CEP70: variants seen among roughly 807,000 people sequenced by gnomAD.
CEP70 encodes the protein centrosomal protein of 70 kDa.
CEP70 carries 70 observed loss-of-function variants against 90.9 expected under a neutral mutation model. That is an observed-to-expected ratio of 0.77 (90% CI 0.64 to 0.94). The LOEUF is 0.94. Among genes scored for constraint, CEP70 ranks in the 40% least tolerant of loss-of-function variants. The pLI is 0.00. For synonymous variants in CEP70, 220 were observed against 228.3 expected, an observed-to-expected ratio of 0.96 and a Z score of 0.33; for missense variants, 648 against 669.0, an observed-to-expected ratio of 0.97 and a Z score of 0.35.
intron 11 of CEP70, among the ~76,000 whole-genome samples, chr3:138,516,528 G>T (rs2036043702): frequency 6.6e-6 from 1 of 152,170 alleles, no homozygotes; most frequent in East Asian, 1.9e-4. Context: ...TGGGGCTACA[G>T]GTAAGTACCG....
intron 10 of CEP70, among the ~76,000 whole-genome samples, chr3:138,526,945 A>C (rs759036653): frequency 1.3e-5 from 2 of 152,222 alleles, no homozygotes; most frequent in African/African-American, 4.8e-5. Context: ...ATACAGCTGT[A>C]ATTTGTCAAT....
At chr3:138,551,756 A>AC (rs2039636298) in intron 6 of CEP70, among the ~76,000 whole-genome samples, 1 of 137,454 alleles carries the variant, frequency 7.3e-6, no homozygotes, top group African/African-American at 2.9e-5. Context: ...AAAAAAAAAA[A>AC]AATAAAATAA....
At chr3:138,563,024 G>T (rs536016503) in intron 6 of CEP70, among the ~76,000 whole-genome samples, 2 of 149,818 alleles carry the variant, frequency 1.3e-5, no homozygotes, top group Non-Finnish European at 3.0e-5. Flanking sequence ...CAAGTAAATG[G>T]AAAGCAAAAA....
chr3:138,590,823 TAA>T (rs149845657), intron 2 of CEP70, among the ~76,000 whole-genome samples: 1 of 142,648 alleles, frequency 7.0e-6, no homozygotes, highest in Non-Finnish European at 1.5e-5. Context: ...AAATAAATAA[TAA>T]AAAAAAAACA....
At position 138,553,207 on chromosome 3, in the gene CEP70, C is replaced by T. The variant is rs182925104; in HGVS notation, c.466-15860G>A. Among the ~76,000 whole-genome samples, 530 of 152,006 alleles carry T rather than the reference C, an allele frequency of 3.5e-3. 3 individuals are homozygous for T. Among genetic ancestry groups the T allele is most frequent in the Admixed American group, 6.8e-3 (104 of 15,268 alleles). ...CAAAAAAAAAAATACCGGCTGGGCACGATGGCTCACGCCTGTAATCCTAGC... is the reference window on the plus strand; with the variant it reads ...CAAAAAAAAAAATACCGGCTGGGCATGATGGCTCACGCCTGTAATCCTAGC... On this transcript the variant is annotated intron_variant, in intron 6 of 17. Coordinates refer to ENST00000264982, the MANE Select transcript of CEP70 (RefSeq NM_024491.4).
At chr3:138,590,274 G>T (rs1323000433) in intron 2 of CEP70, among the ~76,000 whole-genome samples, 1 of 152,010 alleles carries the variant, frequency 6.6e-6, no homozygotes, top group Non-Finnish European at 1.5e-5. Flanking sequence ...TTCTCAGTAT[G>T]GAAAAAAGGA....
intron 6 of CEP70, among the ~76,000 whole-genome samples, chr3:138,545,898 C>T (rs2039156796): frequency 1.3e-5 from 2 of 152,134 alleles, no homozygotes; most frequent in African/African-American, 4.8e-5. Flanking sequence ...ACCCTGTTTT[C>T]TGTTGTTTAA....
At chr3:138,502,640 A>T (rs1283645914) in intron 13 of CEP70, among the ~76,000 whole-genome samples, 1 of 152,192 alleles carries the variant, frequency 6.6e-6, no homozygotes, top group Non-Finnish European at 1.5e-5. Context: ...TAAAAAGCAT[A>T]CCCAATCTAA....
Position 138,551,763 on chromosome 3 carries a change from AT to A in CEP70, c.466-14417del, listed in dbSNP as rs777904336. ...CTCCATCTAAAAAAAAAAAAATAAA[AT>A]AAAACAAAACCCAAAGTATACAGGC... is the stretch of plus-strand genomic sequence containing the variant. On this transcript the variant is annotated intron_variant, in intron 6 of 17. Transcript: ENST00000264982. 5.8e-3 allele frequency among the ~76,000 whole-genome samples: 819 copies of A among 141,294 alleles called. 7 individuals are homozygous for A. The highest frequency in any genetic ancestry group is 0.02 in the African/African-American group (751 of 36,884). 92.7% of individuals were successfully genotyped at this position (141,294 alleles called of 152,430 possible).
chr3:138,584,992 G>A (rs2042042084), intron 2 of CEP70, among the ~76,000 whole-genome samples: 1 of 152,058 alleles, frequency 6.6e-6, no homozygotes, highest in Non-Finnish European at 1.5e-5. Flanking sequence ...TGGAATTGCT[G>A]TAGTTAGGAC....
Position 138,556,843 on chromosome 3 carries a change from C to T in CEP70, c.465+13475G>A, listed in dbSNP as rs571228659. Among the ~76,000 whole-genome samples, 195 of 152,198 alleles carry T rather than the reference C, an allele frequency of 1.3e-3. 1 individual carries two copies. The highest frequency in any genetic ancestry group is 4.0e-3 in the African/African-American group (164 of 41,498). Reference sequence around the variant, plus strand: ...TATCACAAGGCAAATGGAGGCAGGGCGAGATCACAGGACCACAGACCGGGG... The same window carrying T: ...TATCACAAGGCAAATGGAGGCAGGGTGAGATCACAGGACCACAGACCGGGG... On this transcript the variant is annotated intron_variant, in intron 6 of 17. Transcript: ENST00000264982.
At chr3:138,579,433 G>T (rs1235107649) in intron 2 of CEP70, among the ~76,000 whole-genome samples, 1 of 151,846 alleles carries the variant, frequency 6.6e-6, no homozygotes, top group East Asian at 1.9e-4. Context: ...AGGCAGCACA[G>T]CTTGCAGTTC....
At position 138,515,952 on chromosome 3, in the gene CEP70, C is replaced by T. The variant is rs77591034; in HGVS notation, c.945-7408G>A. Among the ~76,000 whole-genome samples the T allele has an allele frequency of 4.8e-3, 724 of 152,158 alleles. 4 individuals carry two copies. Among genetic ancestry groups the T allele is most frequent in the African/African-American group, 0.017 (697 of 41,520 alleles). On this transcript the variant is annotated intron_variant, in intron 11 of 17. Coordinates refer to ENST00000264982, the MANE Select transcript of CEP70 (RefSeq NM_024491.4). ...CGGGAGACTTCTGACTCTTCCTTTT[C>T]CCCCACAACTCCCTATATTCAACCC...
intron 13 of CEP70, among the ~76,000 whole-genome samples, chr3:138,502,223 T>A (rs182359170): frequency 1.6e-3 from 241 of 152,324 alleles, no homozygotes; most frequent in Non-Finnish European, 2.5e-3. Context: ...CAAAGTCTTC[T>A]AAATCCAGTG....
At chr3:138,546,360 T>C (rs1279737474) in intron 6 of CEP70, among the ~76,000 whole-genome samples, 1 of 152,234 alleles carries the variant, frequency 6.6e-6, no homozygotes, top group Non-Finnish European at 1.5e-5. Flanking sequence ...TTTTCAACAA[T>C]TTATTCTCTT....
chr3:138,522,265 C>A (rs2036733561), intron 11 of CEP70, among the ~76,000 whole-genome samples: 1 of 146,744 alleles, frequency 6.8e-6, no homozygotes, highest in African/African-American at 2.5e-5. Context: ...GAGAAAAACC[C>A]AAGAATGATC....
intron 17 of CEP70, chr3:138,496,801 GA>G: frequency 1.0e-6 from 1 of 985,374 alleles, no homozygotes; most frequent in Non-Finnish European, 1.2e-6. Context: ...TTCATCTCCA[GA>G]GAAACCTGGC....
In CEP70 at chr3:138,572,876, G is replaced by A. The variant is rs1485290598; in HGVS notation, c.52C>T (p.Leu18Phe). ...PQDSSQPSDRLMTEKQQEEAE... is the reference protein window; with the variant it reads ...PQDSSQPSDRFMTEKQQEEAE... Reference sequence around the variant, plus strand: ...AAGTTTACCTGTTTTTCAGTCATGAGTCTGTCTGATGGTTGACTGGAATCC... The same window carrying A: ...AAGTTTACCTGTTTTTCAGTCATGAATCTGTCTGATGGTTGACTGGAATCC... The change falls in exon 3 of 18, where the codon CTC (leucine) becomes TTC (phenylalanine). Residue 18 changes from leucine to phenylalanine, a missense_variant. Transcript: ENST00000264982. The A allele has an allele frequency of 2.5e-6, 4 of 1,603,246 alleles. No homozygotes were observed. Among genetic ancestry groups the A allele is most frequent in the African/African-American group, 1.3e-5 (1 of 74,644 alleles).
chr3:138,556,728 G>A (rs13069355), intron 6 of CEP70, among the ~76,000 whole-genome samples: 19,556 of 151,638 alleles, frequency 0.13, 2,667 homozygotes, highest in East Asian at 0.38. Context: ...TGTAAAACCA[G>A]CAAGTTTTTA....
Sources: allele counts gnomAD v4.1 joint callset (sites outside exome capture counted in the v4.1 genomes callset), GRCh38; gene constraint gnomAD v4.1.1; transcripts MANE v1.5; gene names NCBI Gene and HGNC (gene_info 2026-07-23, HGNC 2026-07-21).